DLGAP1: variants seen among roughly 807,000 people sequenced by gnomAD.
DLGAP1 encodes disks large-associated protein 1.
In DLGAP1, 11 loss-of-function variants were observed where a neutral mutation model predicts 90.8. That is an observed-to-expected ratio of 0.12 (90% CI 0.08 to 0.20). The LOEUF (loss-of-function observed/expected upper bound fraction) is 0.20. Ranked by LOEUF, DLGAP1 falls within the 10% of genes least tolerant of loss-of-function variation. The pLI, the probability that DLGAP1 is intolerant of heterozygous loss-of-function variation, is 1.00. For missense variants in DLGAP1, 1,050 were observed against 1,333.8 expected, an observed-to-expected ratio of 0.79 and a Z score of 3.31; for synonymous variants, 558 against 540.7, an observed-to-expected ratio of 1.03 and a Z score of -0.44.
chr18:3,676,322 G>A lies in DLGAP1; in HGVS notation c.1591+52813C>T, dbSNP rs116191346. 7.9e-3 allele frequency among the ~76,000 whole-genome samples: 1,204 copies of A among 152,264 alleles called. 16 individuals carry two copies. Among genetic ancestry groups the A allele is most frequent in the African/African-American group, 0.027 (1,137 of 41,544 alleles). On this transcript the variant is annotated intron_variant, in intron 7 of 12. Transcript: ENST00000315677. ...GTGAGCATTATGTAAATCAGACACC[G>A]CCTCCTCAAACCTGACTATAAAATC... is the stretch of plus-strand genomic sequence containing the variant.
intron 1 of DLGAP1, among the ~76,000 whole-genome samples, chr18:4,279,694 CTAAAG>C (rs1321262302): frequency 5.9e-5 from 9 of 152,172 alleles, no homozygotes; most frequent in East Asian, 1.9e-4. Flanking sequence ...TTTTTCTTAA[CTAAAG>C]TAAACATTTA....
At chr18:3,583,212 T>C (rs2055668822) in intron 7 of DLGAP1, among the ~76,000 whole-genome samples, 1 of 149,366 alleles carries the variant, frequency 6.7e-6, no homozygotes. Flanking sequence ...CTTCCTTCCT[T>C]CCCTCCTCCC....
intron 9 of DLGAP1, among the ~76,000 whole-genome samples, chr18:3,553,058 T>G (rs2053564642): frequency 6.6e-6 from 1 of 152,154 alleles, no homozygotes. Context: ...TCAGAAGGCC[T>G]CCAAGATACA....
At chr18:4,240,274 T>C (rs1374245238) in intron 1 of DLGAP1, among the ~76,000 whole-genome samples, 1 of 152,146 alleles carries the variant, frequency 6.6e-6, no homozygotes, top group African/African-American at 2.4e-5. Flanking sequence ...TGATAATGCA[T>C]CTTATTACAT....
At chr18:3,913,210 C>G (rs1298269295) in intron 3 of DLGAP1, among the ~76,000 whole-genome samples, 1 of 152,136 alleles carries the variant, frequency 6.6e-6, no homozygotes, top group Non-Finnish European at 1.5e-5. Flanking sequence ...CCTGCCTCAG[C>G]CTCCTGAGTA....
intron 1 of DLGAP1, among the ~76,000 whole-genome samples, chr18:4,427,869 C>T (rs942610786): frequency 2.6e-5 from 4 of 152,148 alleles, no homozygotes; most frequent in Non-Finnish European, 5.9e-5. Flanking sequence ...AAAAATAATG[C>T]TTAAAGTGAC....
At chr18:4,439,431 T>A (rs984335416) in intron 1 of DLGAP1, among the ~76,000 whole-genome samples, 1 of 152,222 alleles carries the variant, frequency 6.6e-6, no homozygotes, top group African/African-American at 2.4e-5. Context: ...GACAAATATT[T>A]ATTAAGAAGT....
intron 4 of DLGAP1, among the ~76,000 whole-genome samples, chr18:3,834,170 G>A (rs540146284): frequency 2.0e-5 from 3 of 152,026 alleles, no homozygotes; most frequent in African/African-American, 7.2e-5. Flanking sequence ...GCCGGGTGTG[G>A]TGGCGGGCAC....
intron 1 of DLGAP1, among the ~76,000 whole-genome samples, chr18:4,400,680 C>T (rs2082535991): frequency 6.6e-6 from 1 of 152,086 alleles, no homozygotes; most frequent in African/African-American, 2.4e-5. Flanking sequence ...TGTTAAGACT[C>T]TTAGGACAAA....
At chr18:3,553,562 C>T (rs1427293853) in intron 9 of DLGAP1, among the ~76,000 whole-genome samples, 1 of 152,060 alleles carries the variant, frequency 6.6e-6, no homozygotes, top group African/African-American at 2.4e-5. Context: ...GAGACAGAGT[C>T]TCACTCTGTC....
chr18:4,262,702 C>A (rs1173085199), intron 1 of DLGAP1, among the ~76,000 whole-genome samples: 1 of 152,108 alleles, frequency 6.6e-6, no homozygotes, highest in South Asian at 2.1e-4. Flanking sequence ...ACTCTCTGTA[C>A]CCAGACTCCC....
At chr18:3,772,214 TTCTC>T (rs1167897030) in intron 5 of DLGAP1, among the ~76,000 whole-genome samples, 2 of 147,740 alleles carry the variant, frequency 1.4e-5, no homozygotes, top group African/African-American at 5.1e-5. Context: ...CTCCTTTTCT[TTCTC>T]TCTTTCTTTT....
intron 1 of DLGAP1, among the ~76,000 whole-genome samples, chr18:4,187,321 T>C (rs961561215): frequency 2.0e-4 from 31 of 152,098 alleles, no homozygotes; most frequent in African/African-American, 7.5e-4. Context: ...ATCCTTGTCT[T>C]GTGCCAGTTT....
intron 1 of DLGAP1, among the ~76,000 whole-genome samples, chr18:4,185,926 T>A (rs1200857466): frequency 6.6e-6 from 1 of 152,194 alleles, no homozygotes; most frequent in Non-Finnish European, 1.5e-5. Context: ...TTCCCTTTTC[T>A]CTGCAACCTC....
chr18:3,921,149 A>G (rs1014378267), intron 3 of DLGAP1, among the ~76,000 whole-genome samples: 8 of 152,242 alleles, frequency 5.3e-5, no homozygotes, highest in Non-Finnish European at 1.0e-4. Flanking sequence ...ATGCAAGGAA[A>G]GAAAATTAAA....
chr18:3,848,451 G>T (rs61011668), intron 4 of DLGAP1, among the ~76,000 whole-genome samples: 1 of 152,166 alleles, frequency 6.6e-6, no homozygotes, highest in South Asian at 2.1e-4. Context: ...CTTCTATGCA[G>T]ATGACTCATG....
intron 2 of DLGAP1, among the ~76,000 whole-genome samples, chr18:4,011,244 C>G (rs1054276297): frequency 6.6e-6 from 1 of 150,480 alleles, no homozygotes; most frequent in Non-Finnish European, 1.5e-5. Flanking sequence ...GTAAAGAGGT[C>G]GTGAGCATGG....
intron 1 of DLGAP1, chr18:4,248,868 A>T (rs2078713037): frequency 6.6e-6 from 1 of 152,488 alleles, no homozygotes; most frequent in Admixed American, 6.5e-5. Context: ...CGCCGGCCAC[A>T]TCCTTGTCCA....
chr18:3,742,214 T>C, intron 6 of DLGAP1, 121 bp downstream of exon 6: 1 of 1,249,524 alleles, frequency 8.0e-7, no homozygotes, highest in Non-Finnish European at 1.1e-6. Context: ...CTGGACCTCC[T>C]GTCTGATCCA....
Sources: gnomAD v4.1 joint callset for allele counts (sites outside exome capture counted in the v4.1 genomes callset) on GRCh38, gnomAD v4.1.1 for gene constraint, MANE v1.5 for transcripts, NCBI Gene and HGNC (gene_info 2026-07-23, HGNC 2026-07-21) for gene names.